Variants in SSH1 observed in about 807,000 individuals in gnomAD.
The protein encoded by SSH1 is protein phosphatase Slingshot homolog 1.
In SSH1, 43 loss-of-function variants were observed where a neutral mutation model predicts 79.7. The ratio of observed to expected loss-of-function variants is 0.54; its 90% CI spans 0.42 to 0.70. The LOEUF (loss-of-function observed/expected upper bound fraction) is 0.70. SSH1 is among the 30% of genes least tolerant of loss of function. SSH1 has a pLI of 0.00. For synonymous variants in SSH1, 599 were observed against 538.3 expected (o/e 1.11, Z -1.56); for missense variants, 1,206 against 1,358.8 (o/e 0.89, Z 1.77).
intron 8 of SSH1, among the ~76,000 whole-genome samples, chr12:108,806,637 C>T (rs1414447865): frequency 6.6e-6 from 1 of 152,192 alleles, no homozygotes; most frequent in East Asian, 1.9e-4. Context: ...AGTGTGGAAA[C>T]TCCTTGCTCA....
intron 2 of SSH1, 89 bp downstream of exon 2, chr12:108,852,549 T>C: frequency 1.9e-6 from 3 of 1,554,730 alleles, no homozygotes; most frequent in Non-Finnish European, 2.7e-6. Context: ...CATATTCTTT[T>C]TGAACGTTTT....
Position 108,807,704 on chromosome 12 carries a change from G to A in SSH1, c.660C>T (p.Cys220=). The stretch of plus-strand genomic sequence containing the variant: ...CCTGCATGGCGTTCCACTCGTTGAT[G>A]CAGCTCTGCTCGGAGCTGATGCAGC... ...YESCISSEQS[C]INEWNAMQDL... Residue 220 remains cysteine, a synonymous_variant, in exon 8 of 15, where the codon TGC becomes TGT. Coordinates refer to ENST00000326495, the MANE Select transcript of SSH1 (RefSeq NM_018984.4). This position sits in a 1 kb window ranked among gnomAD's most constrained non-coding sequence, Gnocchi z 5.2. 1 of 1,613,436 alleles carries A rather than the reference G, an allele frequency of 6.2e-7. No individual in the cohort carries two copies. Among genetic ancestry groups the A allele is most frequent in the Non-Finnish European group, 8.5e-7 (1 of 1,179,564 alleles).
intron 14 of SSH1, among the ~76,000 whole-genome samples, chr12:108,791,339 A>G (rs903513606): frequency 1.3e-5 from 2 of 150,650 alleles, no homozygotes; most frequent in African/African-American, 4.9e-5. Flanking sequence ...CCATCTCCTG[A>G]CCTCCTGATC....
At chr12:108,838,597 G>A (rs1345784374) in intron 2 of SSH1, among the ~76,000 whole-genome samples, 2 of 152,228 alleles carry the variant, frequency 1.3e-5, no homozygotes, top group Non-Finnish European at 2.9e-5. Flanking sequence ...GGGGCGGCCA[G>A]CAGCTCTGGC....
At chr12:108,811,859 A>C (rs960714440) in intron 5 of SSH1, among the ~76,000 whole-genome samples, 4 of 152,178 alleles carry the variant, frequency 2.6e-5, no homozygotes, top group Admixed American at 6.5e-5. Flanking sequence ...TGAAAAACAG[A>C]GGGAAAGAAA....
chr12:108,822,382 C>G (rs987348338), intron 3 of SSH1, among the ~76,000 whole-genome samples: 1 of 152,096 alleles, frequency 6.6e-6, no homozygotes, highest in Non-Finnish European at 1.5e-5. Flanking sequence ...GAGATCTGCC[C>G]ACCTTGGCCT....
At chr12:108,829,785 G>A (rs1470854336) in intron 2 of SSH1, among the ~76,000 whole-genome samples, 1 of 152,140 alleles carries the variant, frequency 6.6e-6, no homozygotes, top group Non-Finnish European at 1.5e-5. Context: ...TCTGTGATGA[G>A]TCCTGGGCAT....
At chr12:108,854,840 A>G (rs2039112610) in intron 1 of SSH1, among the ~76,000 whole-genome samples, 1 of 152,230 alleles carries the variant, frequency 6.6e-6, no homozygotes, top group African/African-American at 2.4e-5. Flanking sequence ...GGACCAGGGC[A>G]GAACCGGCCT....
chr12:108,842,959 G>C (rs774728999), intron 2 of SSH1, among the ~76,000 whole-genome samples: 1 of 152,182 alleles, frequency 6.6e-6, no homozygotes, highest in Non-Finnish European at 1.5e-5. Flanking sequence ...AGTGGAGTAT[G>C]GGTGCTCCCT....
At chr12:108,853,861 T>C (rs1432566423) in intron 1 of SSH1, among the ~76,000 whole-genome samples, 1 of 150,298 alleles carries the variant, frequency 6.7e-6, no homozygotes, top group Admixed American at 6.6e-5. Flanking sequence ...GAGGCGGAGG[T>C]TGCAGTGAGC....
chr12:108,817,246 T>C (rs1179822243), intron 4 of SSH1, 87 bp from the exon 5 acceptor site: 2 of 1,577,558 alleles, frequency 1.3e-6, no homozygotes, highest in Non-Finnish European at 8.6e-7. Context: ...ACACTTTCAG[T>C]GTTCTACCTT....
chr12:108,823,585 C>T (rs1317637690), intron 2 of SSH1, among the ~76,000 whole-genome samples: 1 of 152,198 alleles, frequency 6.6e-6, no homozygotes, highest in Non-Finnish European at 1.5e-5. Context: ...GCTTCTGTGA[C>T]AACACCCAAA....
rs1241284441 is a variant in SSH1 at position 108,857,078 on chromosome 12, A to G, written c.69+350T>C. 2.0e-5 allele frequency among the ~76,000 whole-genome samples: 3 copies of G among 152,212 alleles called. No individual in the cohort carries two copies. The highest frequency in any genetic ancestry group is 7.2e-5 in the African/African-American group (3 of 41,472). ...TCACAACGCACACAGTCTCCGCCTA[A>G]CAGGGGTCACCCCAAGATGGGGGTA... is the stretch of plus-strand genomic sequence containing the variant. On this transcript the variant is annotated intron_variant, in intron 1 of 14. Transcript: ENST00000326495. This position sits in a 1 kb window ranked among gnomAD's most constrained non-coding sequence, Gnocchi z 4.7.
intron 1 of SSH1, among the ~76,000 whole-genome samples, chr12:108,854,658 C>T (rs140730454): frequency 1.3e-5 from 2 of 152,232 alleles, no homozygotes; most frequent in South Asian, 2.1e-4. Flanking sequence ...CTTGGGGGTA[C>T]GGACTTCACA....
At chr12:108,813,533 G>A (rs2037726484) in intron 5 of SSH1, among the ~76,000 whole-genome samples, 1 of 151,464 alleles carries the variant, frequency 6.6e-6, no homozygotes. Flanking sequence ...GGGCAATAGT[G>A]ATTTTTTTAA....
intron 3 of SSH1, among the ~76,000 whole-genome samples, chr12:108,820,776 T>C (rs1250539889): frequency 1.3e-5 from 2 of 152,170 alleles, no homozygotes; most frequent in East Asian, 3.9e-4. Context: ...GGAGACTTGA[T>C]GGTAATTCTA....
chr12:108,787,967 C>G lies in SSH1; in HGVS notation c.*21G>C. The G allele has an allele frequency of 6.2e-7, 1 of 1,614,038 alleles. No homozygotes were observed. The highest frequency in any genetic ancestry group is 8.5e-7 in the Non-Finnish European group (1 of 1,179,984). On this transcript the variant is annotated 3_prime_UTR_variant, in exon 15 of 15. Transcript: ENST00000326495. The stretch of plus-strand genomic sequence containing the variant: ...GGATCATATGAAAATATCCGCCCAG[C>G]CTGACGCAGCAAAAGGCGGGTCAGC...
In SSH1 at chr12:108,810,108, T is replaced by G. The variant is rs185278797; in HGVS notation, c.471-350A>C. On this transcript the variant is annotated intron_variant, in intron 6 of 14. Coordinates refer to ENST00000326495, the MANE Select transcript of SSH1 (RefSeq NM_018984.4). ...CCTGTCCCACAGGCCCGGCCGTTCC[T>G]TTTTGTAATTGCATGGAAACTATAT... is the stretch of plus-strand genomic sequence containing the variant. 7.3e-3 allele frequency among the ~76,000 whole-genome samples: 1,113 copies of G among 152,228 alleles called. 46 individuals are homozygous for G. The highest frequency in any genetic ancestry group is 0.069 in the Admixed American group (1,058 of 15,268).
At chr12:108,802,171 T>C in intron 11 of SSH1, 151 bp downstream of exon 11, 2 of 690,724 alleles carry the variant, frequency 2.9e-6, no homozygotes, top group Non-Finnish European at 5.3e-6. Flanking sequence ...CACATCTGTT[T>C]AGCTATGCAC....
Sources: gnomAD v4.1 joint callset for allele counts (sites outside exome capture counted in the v4.1 genomes callset) on GRCh38, gnomAD v4.1.1 for gene constraint, Gnocchi (gnomAD v3.1) non-coding constraint, MANE v1.5 for transcripts, NCBI Gene and HGNC (gene_info 2026-07-23, HGNC 2026-07-21) for gene names.